The following STK32B variants were observed in gnomAD, a reference collection of about 807,000 sequenced individuals.
STK32B encodes serine/threonine-protein kinase 32B.
Under a neutral mutation model 52.6 loss-of-function variants are expected in STK32B, and 43 were observed. The ratio of observed to expected loss-of-function variants is 0.82; its 90% CI spans 0.64 to 1.05. The LOEUF (loss-of-function observed/expected upper bound fraction) is 1.05. STK32B is among the 50% of genes least tolerant of loss of function. STK32B has a pLI of 0.00. For synonymous variants in STK32B, 238 were observed against 204.3 expected (o/e 1.17, Z -1.41); for missense variants, 621 against 534.6 (o/e 1.16, Z -1.59).
chr4:5,394,623 C>T lies in STK32B; in HGVS notation c.435-3584C>T, dbSNP rs1736769102. 6.6e-6 allele frequency among the ~76,000 whole-genome samples: 1 copy of T among 152,222 alleles called. No individual in the cohort carries two copies. Reference sequence around the variant, plus strand: ...CTGCCAGTCTGCCTCTGAGTTCTCCCTAGCTCCTTTTGAAAGAGCAATGAC... The same window carrying T: ...CTGCCAGTCTGCCTCTGAGTTCTCCTTAGCTCCTTTTGAAAGAGCAATGAC... On this transcript the variant is annotated intron_variant, in intron 4 of 11. Transcript: ENST00000282908. This position sits in a 1 kb window ranked among gnomAD's most constrained non-coding sequence, Gnocchi z 4.2.
chr4:5,037,942 A>C, the STK32B span, among the ~76,000 whole-genome samples: 1 of 152,114 alleles, frequency 6.6e-6, no homozygotes, highest in Admixed American at 6.6e-5. Flanking sequence ...GAAGGGACGG[A>C]AGGGGGAGGG....
At chr4:5,213,549 C>G (rs1723022140) in intron 3 of STK32B, among the ~76,000 whole-genome samples, 2 of 152,214 alleles carry the variant, frequency 1.3e-5, no homozygotes, top group Admixed American at 1.3e-4. Context: ...ACGTTTATTA[C>G]TGGTGAAGAG....
chr4:5,315,068 C>T (rs565172413), intron 3 of STK32B, among the ~76,000 whole-genome samples: 1 of 152,154 alleles, frequency 6.6e-6, no homozygotes, highest in Admixed American at 6.5e-5. Context: ...TATTTGCAAA[C>T]CACATATTTG....
At chr4:5,157,101 T>G (rs1717916332) in intron 2 of STK32B, among the ~76,000 whole-genome samples, 2 of 152,174 alleles carry the variant, frequency 1.3e-5, no homozygotes, top group African/African-American at 4.8e-5. Flanking sequence ...GTTTGTAAGG[T>G]TCAATGTTCA....
At position 5,059,326 on chromosome 4, in the gene STK32B, G is replaced by T. The variant is rs1490809184; in HGVS notation, c.52+7411G>T. On this transcript the variant is annotated intron_variant, in intron 1 of 11. Coordinates refer to ENST00000282908, the MANE Select transcript of STK32B (RefSeq NM_018401.3). ...AATGCATTCACTATTTTACAATTAA[G>T]TATTATATTAGCTGCATTGTTATTG... is the stretch of plus-strand genomic sequence containing the variant. 9.2e-5 allele frequency among the ~76,000 whole-genome samples: 14 copies of T among 151,970 alleles called. 1 individual carries two copies.
chr4:5,175,984 G>C (rs986344032), intron 3 of STK32B, among the ~76,000 whole-genome samples: 1 of 152,218 alleles, frequency 6.6e-6, no homozygotes, highest in African/African-American at 2.4e-5. Context: ...GTTTACCTAC[G>C]CAAGCCTTGG....
At chr4:5,330,664 G>T (rs903422406) in intron 3 of STK32B, among the ~76,000 whole-genome samples, 3 of 152,130 alleles carry the variant, frequency 2.0e-5, no homozygotes, top group Non-Finnish European at 4.4e-5. Flanking sequence ...TCCTTCTCTT[G>T]GCCTCTCCAT....
intron 3 of STK32B, among the ~76,000 whole-genome samples, chr4:5,248,189 C>G (rs1725601222): frequency 1.3e-5 from 2 of 152,140 alleles, no homozygotes; most frequent in Admixed American, 1.3e-4. Context: ...ACATGAAGTA[C>G]CTGCTCAGTA....
intron 3 of STK32B, among the ~76,000 whole-genome samples, chr4:5,224,398 T>C (rs559353443): frequency 6.6e-6 from 1 of 152,320 alleles, no homozygotes; most frequent in East Asian, 1.9e-4. Flanking sequence ...GAATGTTGTT[T>C]GATGCATAAA....
intron 3 of STK32B, among the ~76,000 whole-genome samples, chr4:5,269,456 G>A (rs1309785584): frequency 6.6e-6 from 1 of 152,054 alleles, no homozygotes; most frequent in Non-Finnish European, 1.5e-5. Flanking sequence ...TCAAGATCAG[G>A]AACACAAAAA....
At chr4:5,447,355 C>T (rs1267356746) in intron 7 of STK32B, 1 of 152,406 alleles carries the variant, frequency 6.6e-6, no homozygotes, top group Non-Finnish European at 1.5e-5. Flanking sequence ...AGGCCAGGCA[C>T]AGTGGCTCAG....
chr4:5,353,555 AAT>A (rs1491051881), intron 4 of STK32B, among the ~76,000 whole-genome samples: 1 of 146,422 alleles, frequency 6.8e-6, no homozygotes, highest in Non-Finnish European at 1.5e-5. Flanking sequence ...AAAAAAAAAA[AAT>A]AAAAATAAAA....
At chr4:5,186,457 C>T (rs1720746565) in intron 3 of STK32B, among the ~76,000 whole-genome samples, 1 of 152,200 alleles carries the variant, frequency 6.6e-6, no homozygotes, top group Non-Finnish European at 1.5e-5. Context: ...GTGAGGAAGA[C>T]AGTTCCTCCC....
At chr4:5,294,218 G>C (rs977907570) in intron 3 of STK32B, among the ~76,000 whole-genome samples, 1 of 152,146 alleles carries the variant, frequency 6.6e-6, no homozygotes, top group East Asian at 1.9e-4. Flanking sequence ...AAGTCAGATA[G>C]CATGATGCCT....
At chr4:5,128,508 C>G (rs1577087527) in intron 1 of STK32B, among the ~76,000 whole-genome samples, 1 of 152,162 alleles carries the variant, frequency 6.6e-6, no homozygotes, top group African/African-American at 2.4e-5. Context: ...CTTATAGATT[C>G]AGTGTTTTTG....
intron 3 of STK32B, among the ~76,000 whole-genome samples, chr4:5,234,222 C>G (rs1463540318): frequency 6.6e-6 from 1 of 152,190 alleles, no homozygotes; most frequent in Non-Finnish European, 1.5e-5. Context: ...CTGCTACTAA[C>G]TAGCTTATGT....
At chr4:5,479,463 A>G (rs1408876067) in intron 11 of STK32B, among the ~76,000 whole-genome samples, 1 of 152,194 alleles carries the variant, frequency 6.6e-6, no homozygotes, top group African/African-American at 2.4e-5. Flanking sequence ...TCCATGAGAA[A>G]GAAACTGGAA....
At chr4:5,325,020 C>T (rs1007073222) in intron 3 of STK32B, among the ~76,000 whole-genome samples, 2 of 152,204 alleles carry the variant, frequency 1.3e-5, no homozygotes, top group African/African-American at 4.8e-5. Context: ...CCCTGAAGAA[C>T]ATTCACCTCG....
chr4:5,446,833 G>A, intron 7 of STK32B, 57 bp downstream of exon 7: 1 of 1,566,522 alleles, frequency 6.4e-7, no homozygotes, highest in Non-Finnish European at 8.8e-7. Flanking sequence ...GGCTCACGTT[G>A]TACCTGGACG....
Sources: allele counts gnomAD v4.1 joint callset (sites outside exome capture counted in the v4.1 genomes callset), GRCh38; gene constraint gnomAD v4.1.1; non-coding constraint Gnocchi (gnomAD v3.1); transcripts MANE v1.5; gene names NCBI Gene and HGNC (gene_info 2026-07-23, HGNC 2026-07-21).